RBM46: variants seen among roughly 807,000 people sequenced by gnomAD.
The protein encoded by RBM46 is probable RNA-binding protein 46.
RBM46 carries 12 observed loss-of-function variants against 43.3 expected under a neutral mutation model. The ratio of observed to expected loss-of-function variants is 0.28; its 90% CI spans 0.18 to 0.45. RBM46 has a LOEUF of 0.45. Among genes scored for constraint, RBM46 ranks in the 20% least tolerant of loss-of-function variants. The pLI is 1.00. For missense variants in RBM46, 412 were observed against 639.1 expected, an observed-to-expected ratio of 0.64 and a Z score of 3.83; for synonymous variants, 205 against 207.6, an observed-to-expected ratio of 0.99 and a Z score of 0.11.
At chr4:154,805,375 C>T (rs966941848) in intron 4 of RBM46, among the ~76,000 whole-genome samples, 3 of 151,958 alleles carry the variant, frequency 2.0e-5, no homozygotes, top group African/African-American at 4.8e-5. Flanking sequence ...TTTGTACTTA[C>T]TTATTTCAGT....
chr4:154,823,609 G>A (rs1015698610), intron 4 of RBM46, among the ~76,000 whole-genome samples: 3 of 151,904 alleles, frequency 2.0e-5, no homozygotes, highest in Non-Finnish European at 4.4e-5. Flanking sequence ...AGAATTAGTG[G>A]TGTTTGGTCA....
At chr4:154,783,717 A>T (rs1733620185) in intron 1 of RBM46, among the ~76,000 whole-genome samples, 1 of 152,208 alleles carries the variant, frequency 6.6e-6, no homozygotes, top group African/African-American at 2.4e-5. Flanking sequence ...AGTTTTTTTA[A>T]ATAGTTCAAT....
chr4:154,818,946 T>G (rs1735595511), intron 4 of RBM46, among the ~76,000 whole-genome samples: 1 of 152,142 alleles, frequency 6.6e-6, no homozygotes, highest in South Asian at 2.1e-4. Context: ...ATTTTAGTCT[T>G]TTATTTTCTT....
intron 4 of RBM46, among the ~76,000 whole-genome samples, chr4:154,802,786 T>G (rs906439316): frequency 6.6e-6 from 1 of 152,226 alleles, no homozygotes; most frequent in African/African-American, 2.4e-5. Flanking sequence ...GATAGTAATT[T>G]TTTTTTAAGA....
chr4:154,782,778 A>G (rs953822208), intron 1 of RBM46, among the ~76,000 whole-genome samples: 2 of 152,120 alleles, frequency 1.3e-5, no homozygotes, highest in African/African-American at 2.4e-5. Flanking sequence ...ATCGCCGCCG[A>G]GCTTTTTAAG....
intron 2 of RBM46, among the ~76,000 whole-genome samples, chr4:154,797,244 T>G (rs894442284): frequency 6.6e-6 from 1 of 152,172 alleles, no homozygotes; most frequent in Non-Finnish European, 1.5e-5. Context: ...AAGTGAGTGG[T>G]GTTTAAACTA....
At chr4:154,783,220 C>T (rs1733592338) in intron 1 of RBM46, among the ~76,000 whole-genome samples, 1 of 152,162 alleles carries the variant, frequency 6.6e-6, no homozygotes, top group African/African-American at 2.4e-5. Context: ...TGCTGATTTT[C>T]ACTTAAGAGG....
At chr4:154,819,952 A>G (rs1735648818) in intron 4 of RBM46, among the ~76,000 whole-genome samples, 1 of 152,108 alleles carries the variant, frequency 6.6e-6, no homozygotes, top group Non-Finnish European at 1.5e-5. Context: ...TTTCATATGT[A>G]AAATAACTAC....
At chr4:154,799,755 C>CTTTT (rs35629123) in intron 4 of RBM46, among the ~76,000 whole-genome samples, 191 bp downstream of exon 4, 13 of 114,636 alleles carry the variant, frequency 1.1e-4, no homozygotes, top group Admixed American at 2.8e-4. Flanking sequence ...TTTAGCTTTT[C>CTTTT]TTTTTTTTTT....
intron 4 of RBM46, among the ~76,000 whole-genome samples, chr4:154,812,466 A>G (rs978664912): frequency 2.0e-5 from 3 of 152,158 alleles, no homozygotes; most frequent in African/African-American, 7.2e-5. Flanking sequence ...AATGAATGGC[A>G]TGTGTCAAGG....
chr4:154,809,085 T>C (rs1046329133), intron 4 of RBM46, among the ~76,000 whole-genome samples: 1 of 152,096 alleles, frequency 6.6e-6, no homozygotes, highest in African/African-American at 2.4e-5. Context: ...TTTTAAGTTA[T>C]TGTATTGAAA....
intron 4 of RBM46, among the ~76,000 whole-genome samples, chr4:154,803,257 A>C (rs180854592): frequency 2.9e-4 from 44 of 152,332 alleles, no homozygotes; most frequent in Admixed American, 2.7e-3. Flanking sequence ...TACCCTTAAT[A>C]AAAGAAAAGC....
At chr4:154,806,065 A>G (rs1321184028) in intron 4 of RBM46, among the ~76,000 whole-genome samples, 2 of 152,012 alleles carry the variant, frequency 1.3e-5, no homozygotes, top group Middle Eastern at 3.4e-3. Context: ...CCAAAATTCC[A>G]TTAACTCAAC....
At chr4:154,822,681 T>C (rs1410256280) in intron 4 of RBM46, among the ~76,000 whole-genome samples, 1 of 151,610 alleles carries the variant, frequency 6.6e-6, no homozygotes, top group Non-Finnish European at 1.5e-5. Context: ...AATAAAATGG[T>C]ACAATGAGGA....
At position 154,798,149 on chromosome 4, in the gene RBM46, G is replaced by A. The variant is rs746723550; in HGVS notation, c.490G>A (p.Val164Ile). 1.9e-6 allele frequency: 3 copies of A among 1,613,666 alleles called. No homozygotes were observed. The highest frequency in any genetic ancestry group is 1.7e-5 in the Admixed American group (1 of 59,986). The stretch of plus-strand genomic sequence containing the variant: ...AGAAATTTTAGATGAAATGAAGAAA[G>A]TTACAGAAGGAGTTGTAGATGTCAT... ...KEEILDEMKK[V>I]TEGVVDVIVY... is the part of the protein sequence containing the mutation. Residue 164 changes from valine (V) to isoleucine (I), a missense_variant, in exon 3 of 5, where the codon GTT becomes ATT. This residue lies in a region of RBM46 where 48 missense variants were observed against 78.9 expected (regional missense o/e 0.61). Coordinates refer to ENST00000281722, the MANE Select transcript of RBM46 (RefSeq NM_144979.5).
chr4:154,792,939 G>A (rs1236551364), intron 1 of RBM46, among the ~76,000 whole-genome samples: 1 of 152,158 alleles, frequency 6.6e-6, no homozygotes, highest in African/African-American at 2.4e-5. Context: ...TAATTGAGTA[G>A]CACATGCTCT....
rs1736031654 is a variant in RBM46, at chr4:154,827,728, A to G, written c.1403-140A>G. On this transcript the variant is annotated intron_variant, in intron 4 of 4. Coordinates refer to ENST00000281722, the MANE Select transcript of RBM46 (RefSeq NM_144979.5). ...GCAGTGAATGCTGAAATAATCTTTA[A>G]CCAGCAATATAGTATCATCAAGATT... The G allele has an allele frequency of 4.5e-5, 66 of 1,479,486 alleles. No homozygotes were observed. The South Asian group carries it at 9.3e-4, about 21-fold the overall frequency. The allele number at this position is 1,479,486 out of a possible 1,614,324, so 91.6% of individuals were successfully genotyped here.
chr4:154,816,152 T>C (rs913771405), intron 4 of RBM46, among the ~76,000 whole-genome samples: 1 of 152,278 alleles, frequency 6.6e-6, no homozygotes, highest in Non-Finnish European at 1.5e-5. Flanking sequence ...TCTGTAACTT[T>C]ATATTTTGTA....
intron 1 of RBM46, among the ~76,000 whole-genome samples, chr4:154,791,057 G>C (rs930170735): frequency 2.0e-5 from 3 of 152,160 alleles, no homozygotes; most frequent in Admixed American, 6.5e-5. Context: ...GATAATGAGA[G>C]AACATAAACT....
Sources: gnomAD v4.1 joint callset for allele counts (sites outside exome capture counted in the v4.1 genomes callset) on GRCh38, gnomAD v4.1.1 for gene constraint, gnomAD v4.1.1 regional missense constraint, MANE v1.5 for transcripts, NCBI Gene and HGNC (gene_info 2026-07-23, HGNC 2026-07-21) for gene names.